Variants in HECW1 observed in about 807,000 individuals in gnomAD.
HECW1 encodes HECT, C2 and WW domain containing E3 ubiquitin protein ligase 1.
HECW1 carries 61 observed loss-of-function variants against 182.3 expected under a neutral mutation model. The ratio of observed to expected loss-of-function variants is 0.33; its 90% confidence interval spans 0.27 to 0.41. The LOEUF is 0.41. Among genes scored for constraint, HECW1 ranks in the 10% least tolerant of loss-of-function variants. HECW1 has a pLI of 1.00. For synonymous variants in HECW1, 859 were observed against 832.6 expected (o/e 1.03, Z -0.55); for missense variants, 1,739 against 2,108.9 (o/e 0.82, Z 3.44).
chr7:43,394,439 AAT>A (rs1399090876), intron 6 of HECW1, among the ~76,000 whole-genome samples: 1 of 152,196 alleles, frequency 6.6e-6, no homozygotes, highest in Admixed American at 6.5e-5. Context: ...TCACTGAGAC[AAT>A]GAGTATTGCC....
At chr7:43,291,508 T>C (rs1221540022) in intron 3 of HECW1, among the ~76,000 whole-genome samples, 2 of 152,262 alleles carry the variant, frequency 1.3e-5, no homozygotes, top group African/African-American at 2.4e-5. Flanking sequence ...GGACATAGAA[T>C]GTACTTATTC....
At chr7:43,538,070 T>C (rs918974458) in intron 24 of HECW1, among the ~76,000 whole-genome samples, 7 of 152,204 alleles carry the variant, frequency 4.6e-5, no homozygotes, top group African/African-American at 1.7e-4. Flanking sequence ...TCTTCCCTGG[T>C]TGCTCATGAT....
chr7:43,492,356 TG>T (rs1349403374), intron 18 of HECW1, among the ~76,000 whole-genome samples, 176 bp downstream of exon 18: 1 of 152,146 alleles, frequency 6.6e-6, no homozygotes, highest in African/African-American at 2.4e-5. Flanking sequence ...TCCACCCCTC[TG>T]TCCTTTTCCC....
In HECW1 at chr7:43,541,304, C is replaced by G. The variant is rs775930931; in HGVS notation, c.4118+43C>G. 4.0e-6 allele frequency: 6 copies of G among 1,482,442 alleles called. No homozygotes were observed. The East Asian group carries it at 1.1e-4, about 28-fold the overall frequency. The allele number at this position is 1,482,442 out of a possible 1,614,324, so 91.8% of individuals were successfully genotyped here. On this transcript the variant is annotated intron_variant, in intron 25 of 29. Coordinates refer to ENST00000395891, the MANE Select transcript of HECW1 (RefSeq NM_015052.5). ...CATGCTTCCAACCCAGCCCTGTCTG[C>G]AGGGCAAGGACACCGACCTCTCTGG...
At chr7:43,484,699 C>G (rs1321821345) in intron 17 of HECW1, 1 of 152,178 alleles carries the variant, frequency 6.6e-6, no homozygotes, top group African/African-American at 2.4e-5. Context: ...TTTGGATTGT[C>G]CTTTACCTCA....
chr7:43,416,859 G>A lies in HECW1; in HGVS notation c.801+9128G>A, dbSNP rs1276779102. On this transcript the variant is annotated intron_variant, in intron 8 of 29. Transcript: ENST00000395891. ...CTCCCTGGCCCCTTGCGCTTCCCAG[G>A]TGAGGCAATGCTCGCCCTGCTTCGG... 0.014 allele frequency among the ~76,000 whole-genome samples: 3 copies of A among 216 alleles called. No homozygotes were observed. The East Asian group carries it at 0.3, about 22-fold the overall frequency. The allele number at this position is 216 out of a possible 152,430, so 0.1% of individuals were successfully genotyped here.
chr7:43,356,667 A>G (rs1316152144), intron 5 of HECW1, among the ~76,000 whole-genome samples: 4 of 152,230 alleles, frequency 2.6e-5, no homozygotes, highest in Non-Finnish European at 4.4e-5. Flanking sequence ...CAACAAATTC[A>G]AAAAAGTAGA....
chr7:43,547,798 G>T (rs748944111), intron 26 of HECW1, among the ~76,000 whole-genome samples: 1 of 152,140 alleles, frequency 6.6e-6, no homozygotes, highest in East Asian at 1.9e-4. Flanking sequence ...TCTGCTTCTT[G>T]GGAGTATTTC....
At position 43,320,920 on chromosome 7, in the gene HECW1, G is replaced by T. The variant is rs79426405; in HGVS notation, c.460+178G>T. Among the ~76,000 whole-genome samples the T allele has an allele frequency of 2.6e-5, 4 of 152,338 alleles. No individual in the cohort carries two copies. The East Asian group carries it at 7.7e-4, about 29-fold the overall frequency. ...GTAGTAAGTGGTGAGGTCTAGGGCA[G>T]TTGGATAAAAGCCAGCCAACCAGCC... On this transcript the variant is annotated intron_variant, in intron 5 of 29. Coordinates refer to ENST00000395891, the MANE Select transcript of HECW1 (RefSeq NM_015052.5).
At chr7:43,425,054 T>C (rs190046480) in intron 8 of HECW1, among the ~76,000 whole-genome samples, 45 of 152,274 alleles carry the variant, frequency 3.0e-4, no homozygotes, top group African/African-American at 8.9e-4. Flanking sequence ...AGTCCAGTGA[T>C]TGATAGAGTA....
rs562478661 is a variant in HECW1 at position 43,195,559 on chromosome 7, T to C, written c.-31-48316T>C. Among the ~76,000 whole-genome samples, 20 of 152,238 alleles carry C rather than the reference T, an allele frequency of 1.3e-4. No individual in the cohort carries two copies. In the East Asian group the frequency reaches 3.3e-3, roughly 25 times the overall value. Reference sequence around the variant, plus strand: ...GCCCATGGGCATCATCACTTCCATCTCTTAGGCTGGCACCATTGATACTGG... The same window carrying C: ...GCCCATGGGCATCATCACTTCCATCCCTTAGGCTGGCACCATTGATACTGG... On this transcript the variant is annotated intron_variant, in intron 2 of 29. Transcript: ENST00000395891.
At chr7:43,149,906 TCAAA>T (rs1201873120) in intron 2 of HECW1, among the ~76,000 whole-genome samples, 2 of 152,336 alleles carry the variant, frequency 1.3e-5, no homozygotes, top group African/African-American at 2.4e-5. Context: ...AAAGTAAAAC[TCAAA>T]CAATTTTGAA....
intron 2 of HECW1, among the ~76,000 whole-genome samples, chr7:43,172,592 C>A (rs926172940): frequency 1.3e-5 from 2 of 152,036 alleles, no homozygotes; most frequent in Admixed American, 1.3e-4. Context: ...CTTTTATAAA[C>A]GTGCTTTACA....
intron 5 of HECW1, among the ~76,000 whole-genome samples, chr7:43,331,095 C>T (rs910632968): frequency 3.9e-5 from 6 of 151,946 alleles, no homozygotes; most frequent in South Asian, 2.1e-4. Context: ...ATTAACTCGT[C>T]GTTTACATTA....
At chr7:43,350,761 CT>C (rs376671477) in intron 5 of HECW1, among the ~76,000 whole-genome samples, 24 of 152,246 alleles carry the variant, frequency 1.6e-4, no homozygotes, top group African/African-American at 5.8e-4. Context: ...CTATTTCTCC[CT>C]TTACTTCTTG....
At chr7:43,366,877 A>AC (rs776118074) in intron 6 of HECW1, among the ~76,000 whole-genome samples, 2 of 152,068 alleles carry the variant, frequency 1.3e-5, no homozygotes, top group Non-Finnish European at 2.9e-5. Context: ...AGTGAGATGG[A>AC]CCCACCCCCT....
chr7:43,456,921 G>A (rs1184460039), intron 13 of HECW1, among the ~76,000 whole-genome samples: 1 of 152,166 alleles, frequency 6.6e-6, no homozygotes, highest in Non-Finnish European at 1.5e-5. Flanking sequence ...AAAGCTGCTT[G>A]GAGAATAAAC....
intron 6 of HECW1, among the ~76,000 whole-genome samples, chr7:43,382,100 A>G (rs895463259): frequency 1.3e-5 from 2 of 152,178 alleles, no homozygotes; most frequent in Admixed American, 1.3e-4. Context: ...CCTGGCTAAC[A>G]TGGTGAAACC....
At chr7:43,116,823 T>A (rs1785092892) in intron 2 of HECW1, among the ~76,000 whole-genome samples, 1 of 152,238 alleles carries the variant, frequency 6.6e-6, no homozygotes, top group Non-Finnish European at 1.5e-5. Flanking sequence ...GGTTAGTTTC[T>A]TCTTCTTTAA....
Sources: gnomAD v4.1 joint callset for allele counts (sites outside exome capture counted in the v4.1 genomes callset) on GRCh38, gnomAD v4.1.1 for gene constraint, MANE v1.5 for transcripts, NCBI Gene and HGNC (gene_info 2026-07-23, HGNC 2026-07-21) for gene names.